Variants in AP4M1 observed in about 807,000 individuals in gnomAD.
The protein encoded by AP4M1 is adaptor related protein complex 4 subunit mu 1.
AP4M1 carries 58 observed loss-of-function variants against 62.4 expected under a neutral mutation model. The ratio of observed to expected loss-of-function variants is 0.93; its 90% CI spans 0.75 to 1.16. The LOEUF is 1.16. AP4M1 is among the 50% of genes most tolerant of loss of function. The probability of loss-of-function intolerance (pLI) is 0.00; values close to 1 mark genes in which losing one functional copy is unlikely to be tolerated. For synonymous variants in AP4M1, 290 were observed against 239.7 expected (o/e 1.21, Z -1.94); for missense variants, 626 against 585.4 (o/e 1.07, Z -0.72).
chr7:100,107,854 C>T lies in AP4M1; in HGVS notation c.*972C>T. 3.3e-6 allele frequency: 5 copies of T among 1,526,944 alleles called. No homozygotes were observed. The highest frequency in any genetic ancestry group is 4.4e-6 in the Non-Finnish European group (5 of 1,130,996). The allele number at this position is 1,526,944 out of a possible 1,614,324, so 94.6% of individuals were successfully genotyped here. ...GGCCCAGAGGGGACTGTGCTCTACTCCTGGGCCTCCCCAGGGTGCTCTGAG... is the reference window on the plus strand; with the variant it reads ...GGCCCAGAGGGGACTGTGCTCTACTTCTGGGCCTCCCCAGGGTGCTCTGAG... On this transcript the variant is annotated 3_prime_UTR_variant, in exon 15 of 15. Transcript: ENST00000359593.
In AP4M1 at chr7:100,107,184, G is replaced by A. The variant is rs1220362318; in HGVS notation, c.*302G>A. On this transcript the variant is annotated 3_prime_UTR_variant, in exon 15 of 15. Coordinates refer to ENST00000359593, the MANE Select transcript of AP4M1 (RefSeq NM_004722.4). ...CCTTCCGCTTAGCGAGCATGCATGT[G>A]TGTACGTGCACGTGTGTACATGTCT... The A allele has an allele frequency of 1.9e-5, 29 of 1,518,402 alleles. No individual in the cohort carries two copies. The highest frequency in any genetic ancestry group is 2.5e-4 in the Middle Eastern group (1 of 4,038). 94.1% of individuals were successfully genotyped at this position (1,518,402 alleles called of 1,614,324 possible).
At position 100,106,780 on chromosome 7, in the gene AP4M1, G is replaced by A. The variant is rs1160918226; in HGVS notation, c.1260G>A (p.Gln420=). ...CCCGGCACACGTGCTCTGGCCTCCA[G>A]GTCCGATTCCTCAGGCTGGCCTTCA... ...ELPRHTCSGL[Q]VRFLRLAFRP... The change falls in exon 15 of 15, where the codon CAG becomes CAA. Residue 420 remains glutamine (Q), a synonymous_variant. Coordinates refer to ENST00000359593, the MANE Select transcript of AP4M1 (RefSeq NM_004722.4). The A allele has an allele frequency of 6.2e-7, 1 of 1,613,962 alleles. No individual in the cohort carries two copies. Among genetic ancestry groups the A allele is most frequent in the Non-Finnish European group, 8.5e-7 (1 of 1,180,044 alleles).
intron 4 of AP4M1, 101 bp downstream of exon 4, chr7:100,103,061 C>CTTTTTTTT (rs55764736): frequency 2.8e-5 from 15 of 530,806 alleles, no homozygotes; most frequent in Admixed American, 1.3e-4. Context: ...CCAAGTCTAC[C>CTTTTTTTT]TTTTTTTTTT....
In AP4M1 at chr7:100,104,900, G is replaced by A. The variant is rs1186081719; in HGVS notation, c.633G>A (p.Gln211=). The change falls in exon 8 of 15, where the codon CAG becomes CAA. Residue 211 remains glutamine (Q), a synonymous_variant. Coordinates refer to ENST00000359593, the MANE Select transcript of AP4M1 (RefSeq NM_004722.4). ...SNGSLLKVDV[Q]GEIRLKSFLP... ...GATCCCTGCTGAAGGTGGATGTGCA[G>A]GGAGAGATTCGGCTCAAGAGCTTCC... 2 of 1,614,188 alleles carry A rather than the reference G, an allele frequency of 1.2e-6. No homozygotes were observed. Among genetic ancestry groups the A allele is most frequent in the South Asian group, 2.2e-5 (2 of 91,080 alleles).
chr7:100,102,056 A>AT (rs532812899), intron 2 of AP4M1, 88 bp downstream of exon 2: 531 of 1,443,272 alleles, frequency 3.7e-4, no homozygotes, highest in Admixed American at 1.1e-3. Flanking sequence ...TCATTGGTAG[A>AT]TTCCACTTGG....
upstream of AP4M1, chr7:100,101,565 G>T: frequency 1.1e-6 from 1 of 884,956 alleles, no homozygotes; most frequent in South Asian, 1.4e-5. Flanking sequence ...GCGGGGTAGT[G>T]CAGGCGCCGG....
chr7:100,104,217 G>T, intron 7 of AP4M1, 63 bp downstream of exon 7: 1 of 1,452,266 alleles, frequency 6.9e-7, no homozygotes, highest in African/African-American at 1.4e-5. Flanking sequence ...ATGGTGGGGT[G>T]GCTAAGACTC....
rs1312452688 is a variant in AP4M1, at chr7:100,108,703, TA to T, written c.*1822del. 1.5e-6 allele frequency: 1 copy of T among 682,580 alleles called. No individual in the cohort carries two copies. The highest frequency in any genetic ancestry group is 2.4e-6 in the Non-Finnish European group (1 of 412,838). 42.3% of individuals were successfully genotyped at this position (682,580 alleles called of 1,614,324 possible). ...TGAAGGCCAAATTATGCTGAACTAT[TA>T]GTGTGTGTACAGAACACTGTGGGCT... is the stretch of plus-strand genomic sequence containing the variant. On this transcript the variant is annotated 3_prime_UTR_variant, in exon 15 of 15. Coordinates refer to ENST00000359593, the MANE Select transcript of AP4M1 (RefSeq NM_004722.4).
rs1796599432 is a variant in AP4M1, at chr7:100,107,202, A to ACGTG, written c.*321_*322insGTGC. On this transcript the variant is annotated 3_prime_UTR_variant, in exon 15 of 15. Coordinates refer to ENST00000359593, the MANE Select transcript of AP4M1 (RefSeq NM_004722.4). ...TGCATGTGTGTACGTGCACGTGTGT[A>ACGTG]CATGTCTGCATGTGTGGGAATCCGG... 5 of 1,519,780 alleles carry ACGTG rather than the reference A, an allele frequency of 3.3e-6. No homozygotes were observed. The highest frequency in any genetic ancestry group is 4.4e-6 in the Non-Finnish European group (5 of 1,136,946). 94.1% of individuals were successfully genotyped at this position (1,519,780 alleles called of 1,614,324 possible).
chr7:100,104,466 G>GTTAC (rs1269495341), intron 7 of AP4M1, among the ~76,000 whole-genome samples: 5 of 152,054 alleles, frequency 3.3e-5, no homozygotes, highest in Non-Finnish European at 7.4e-5. Flanking sequence ...TAAGGCTGCA[G>GTTAC]TAAGCCAAGA....
At chr7:100,101,407 C>T (rs1796022335), upstream of AP4M1, 4 of 1,447,980 alleles carry the variant, frequency 2.8e-6, no homozygotes, top group African/African-American at 1.4e-5. Context: ...TGGCGCGAAA[C>T]GTCGCCCCCC....
chr7:100,104,699 C>T (rs1037598763), intron 7 of AP4M1, among the ~76,000 whole-genome samples, 175 bp from the exon 8 acceptor site: 7 of 152,066 alleles, frequency 4.6e-5, no homozygotes, highest in Non-Finnish European at 1.0e-4. Context: ...CTTATGGTGG[C>T]AGGCATCTGT....
intron 4 of AP4M1, 158 bp downstream of exon 4, chr7:100,103,118 C>T: frequency 1.4e-6 from 1 of 696,246 alleles, no homozygotes; most frequent in South Asian, 1.7e-5. Flanking sequence ...GTTGCCCAGG[C>T]TGGACTGCAG....
chr7:100,103,665 C>A lies in AP4M1; in HGVS notation c.516C>A (p.Arg172=). Reference sequence around the variant, plus strand: ...TGGCCCCCAGCAGTGCAGCCAGCCGCCCCGTCCTGTCCAGTCGCTCTGACC... The same window carrying A: ...TGGCCCCCAGCAGTGCAGCCAGCCGACCCGTCCTGTCCAGTCGCTCTGACC... The part of the protein sequence containing the change: ...SKVAPSSAAS[R]PVLSSRSDQS... The change falls in exon 6 of 15, where the codon CGC becomes CGA. Residue 172 remains arginine, a synonymous_variant. Coordinates refer to ENST00000359593, the MANE Select transcript of AP4M1 (RefSeq NM_004722.4). 1 of 1,613,118 alleles carries A rather than the reference C, an allele frequency of 6.2e-7. No individual in the cohort carries two copies. Among genetic ancestry groups the A allele is most frequent in the Non-Finnish European group, 8.5e-7 (1 of 1,179,998 alleles).
At chr7:100,101,505 C>G, upstream of AP4M1, 1 of 794,254 alleles carries the variant, frequency 1.3e-6, no homozygotes, top group Non-Finnish European at 2.1e-6. Context: ...CCGTGCGGGC[C>G]TAGAATGAGT....
intron 7 of AP4M1, 129 bp downstream of exon 7, chr7:100,104,283 C>T (rs955975424): frequency 2.5e-5 from 20 of 814,946 alleles, no homozygotes; most frequent in Non-Finnish European, 3.7e-5. Context: ...TTTGGGAGGC[C>T]GAGGTGGGAG....
Position 100,105,060 on chromosome 7 carries a change from TGACGGAA to T in AP4M1, c.692_698del (p.Thr231SerfsTer9). On this transcript the variant is annotated frameshift_variant, in exon 9 of 15. Coordinates refer to ENST00000359593, the MANE Select transcript of AP4M1 (RefSeq NM_004722.4). LOFTEE classifies it high-confidence loss of function. Reference sequence around the variant, plus strand: ...CCTCCGACAGAGATGCGCATTGGCTTGACGGAAGAGTTTTGTGTGGGGAAGTCAGAGC... The same window carrying T: ...CCTCCGACAGAGATGCGCATTGGCTTGAGTTTTGTGTGGGGAAGTCAGAGC... 6.2e-7 allele frequency: 1 copy of T among 1,614,172 alleles called. No homozygotes were observed. The highest frequency in any genetic ancestry group is 8.5e-7 in the Non-Finnish European group (1 of 1,180,038).
intron 9 of AP4M1, 63 bp from the exon 10 acceptor site, chr7:100,105,177 C>T (rs759950294): frequency 7.4e-6 from 12 of 1,611,110 alleles, no homozygotes; most frequent in East Asian, 2.2e-5. Context: ...CAGAGCCTCC[C>T]CTCTCCTTGC....
rs770152344 is a variant in AP4M1 at position 100,103,409 on chromosome 7, G to A, written c.352G>A (p.Asp118Asn). 1.2e-6 allele frequency: 2 copies of A among 1,613,320 alleles called. No homozygotes were observed. Among genetic ancestry groups the A allele is most frequent in the Admixed American group, 3.3e-5 (2 of 59,988 alleles). Reference sequence around the variant, plus strand: ...CAGACTGTCCTTCCTTTACCACTAGGACTATGGCTATGTACAGACCACATC... The same window carrying A: ...CAGACTGTCCTTCCTTTACCACTAGAACTATGGCTATGTACAGACCACATC... ...LVYELLDEVL[D>N]YGYVQTTSTE... Residue 118 changes from aspartate to asparagine, a missense_variant and splice_region_variant, in exon 5 of 15, where the codon GAC becomes AAC. Physicochemically the swap from Asp to Asn is conservative, Grantham distance 23. Coordinates refer to ENST00000359593, the MANE Select transcript of AP4M1 (RefSeq NM_004722.4).
Sources: allele counts gnomAD v4.1 joint callset (sites outside exome capture counted in the v4.1 genomes callset), GRCh38; gene constraint gnomAD v4.1.1; transcripts MANE v1.5; gene names NCBI Gene and HGNC (gene_info 2026-07-23, HGNC 2026-07-21).